PPIG: variants seen among roughly 807,000 people sequenced by gnomAD.
The protein encoded by PPIG is peptidylprolyl isomerase G.
A neutral mutation model predicts 87.9 loss-of-function variants in PPIG; 26 were observed. The ratio of observed to expected loss-of-function variants is 0.30; its 90% CI spans 0.22 to 0.41. PPIG has a LOEUF of 0.41. Ranked by LOEUF, PPIG falls within the 10% of genes least tolerant of loss-of-function variation. The pLI, the probability that PPIG is intolerant of heterozygous loss-of-function variation, is 1.00. For synonymous variants in PPIG, 308 were observed against 276.5 expected (o/e 1.11, Z -1.13); for missense variants, 722 against 879.4 (o/e 0.82, Z 2.26).
chr2:169,629,609 A>AT (rs1685983572), intron 9 of PPIG, among the ~76,000 whole-genome samples: 1 of 152,172 alleles, frequency 6.6e-6, no homozygotes, highest in Admixed American at 6.5e-5. Flanking sequence ...GATTTTACTA[A>AT]TTGAGTCCTT....
chr2:169,634,507 T>G (rs1686136342), intron 12 of PPIG, among the ~76,000 whole-genome samples: 1 of 152,144 alleles, frequency 6.6e-6, no homozygotes, highest in Non-Finnish European at 1.5e-5. Flanking sequence ...AAAGACTCAT[T>G]TGACTAATGA....
In PPIG at chr2:169,640,547, C is replaced by G. The variant is rs960987778; in HGVS notation, c.*3024C>G. On this transcript the variant is annotated 3_prime_UTR_variant, in exon 14 of 14. Transcript: ENST00000260970. ...AGAAGCTTGTTGGGTTTGCCTTCAC[C>G]AGAAGGTACTTTAAATACCTACCAT... 2 of 152,072 alleles carry G rather than the reference C, an allele frequency of 1.3e-5. No homozygotes were observed. Among genetic ancestry groups the G allele is most frequent in the African/African-American group, 4.8e-5 (2 of 41,388 alleles). The allele number at this position is 152,072 out of a possible 1,614,324, so 9.4% of individuals were successfully genotyped here. A position where few individuals can be genotyped will look rare whatever the true frequency, so the allele number is the denominator to read the frequency against.
At chr2:169,628,928 G>T (rs371462801) in intron 9 of PPIG, among the ~76,000 whole-genome samples, 2 of 111,216 alleles carry the variant, frequency 1.8e-5, no homozygotes, top group African/African-American at 3.7e-5. Context: ...AACAGAGCAA[G>T]ACCCTGTCTC....
intron 9 of PPIG, among the ~76,000 whole-genome samples, chr2:169,618,388 C>T (rs996785979): frequency 1.3e-5 from 2 of 152,066 alleles, no homozygotes; most frequent in Non-Finnish European, 2.9e-5. Flanking sequence ...AGGGAGGAGT[C>T]CCCCTTTTTC....
At chr2:169,617,639 C>T (rs191625616) in intron 9 of PPIG, among the ~76,000 whole-genome samples, 22 of 152,232 alleles carry the variant, frequency 1.4e-4, no homozygotes, top group African/African-American at 5.1e-4. Flanking sequence ...GGAGTTCACT[C>T]ATGATTTGAC....
chr2:169,586,214 T>C (rs1229618659), intron 1 of PPIG, among the ~76,000 whole-genome samples: 1 of 152,014 alleles, frequency 6.6e-6, no homozygotes. Flanking sequence ...TAGGGTCTTG[T>C]AGTAGGATTC....
At position 169,640,383 on chromosome 2, in the gene PPIG, G is replaced by A. The variant is rs959506162; in HGVS notation, c.*2860G>A. 1 of 152,174 alleles carries A rather than the reference G, an allele frequency of 6.6e-6. No individual in the cohort carries two copies. Among genetic ancestry groups the A allele is most frequent in the Non-Finnish European group, 1.5e-5 (1 of 68,014 alleles). The allele number at this position is 152,174 out of a possible 1,614,324, so 9.4% of individuals were successfully genotyped here. A position where few individuals can be genotyped will look rare whatever the true frequency, so the allele number is the denominator to read the frequency against. On this transcript the variant is annotated 3_prime_UTR_variant, in exon 14 of 14. Coordinates refer to ENST00000260970, the MANE Select transcript of PPIG (RefSeq NM_004792.3). ...TATTGGATCTCTGGTATTTTGGGTAGTGGTATTAACTTGACAATTCTAATT... is the reference window on the plus strand; with the variant it reads ...TATTGGATCTCTGGTATTTTGGGTAATGGTATTAACTTGACAATTCTAATT...
Position 169,637,539 on chromosome 2 carries a change from T to C in PPIG, c.*16T>C. On this transcript the variant is annotated 3_prime_UTR_variant, in exon 14 of 14. Transcript: ENST00000260970. ...AAGCGGATGAGTGAGTTATATAAACTTACTTCCATTCTGTTTCGGATTTTA... is the reference window on the plus strand; with the variant it reads ...AAGCGGATGAGTGAGTTATATAAACCTACTTCCATTCTGTTTCGGATTTTA... 1 of 1,528,632 alleles carries C rather than the reference T, an allele frequency of 6.5e-7. No homozygotes were observed. The highest frequency in any genetic ancestry group is 1.3e-5 in the South Asian group (1 of 74,850). The allele number at this position is 1,528,632 out of a possible 1,614,324, so 94.7% of individuals were successfully genotyped here. A position where few individuals can be genotyped will look rare whatever the true frequency, so the allele number is the denominator to read the frequency against.
chr2:169,626,954 C>G (rs1222348056), intron 9 of PPIG, among the ~76,000 whole-genome samples: 1 of 152,126 alleles, frequency 6.6e-6, no homozygotes. Context: ...AAGTGATCTG[C>G]CTGCTTTGGT....
chr2:169,597,272 G>T (rs1190609186), intron 1 of PPIG, among the ~76,000 whole-genome samples: 1 of 151,892 alleles, frequency 6.6e-6, no homozygotes, highest in Non-Finnish European at 1.5e-5. Context: ...CTCCCTAGAT[G>T]CCTTTTTGTT....
intron 6 of PPIG, 53 bp from the exon 7 acceptor site, chr2:169,608,618 A>AT: frequency 1.6e-6 from 2 of 1,223,946 alleles, no homozygotes; most frequent in Non-Finnish European, 2.4e-6. Flanking sequence ...TGAAGATGAA[A>AT]TTTTTTTGGA....
At chr2:169,603,371 T>G (rs561325276) in intron 1 of PPIG, among the ~76,000 whole-genome samples, 1 of 152,268 alleles carries the variant, frequency 6.6e-6, no homozygotes, top group African/African-American at 2.4e-5. Flanking sequence ...GAGTATCTCT[T>G]TGGTATTTTT....
At chr2:169,629,409 A>G (rs1243896206) in intron 9 of PPIG, among the ~76,000 whole-genome samples, 7 of 152,254 alleles carry the variant, frequency 4.6e-5, no homozygotes, top group African/African-American at 1.4e-4. Flanking sequence ...TAATTGTTTC[A>G]TTAATGTTAA....
intron 1 of PPIG, among the ~76,000 whole-genome samples, chr2:169,596,345 TC>T (rs1381915222): frequency 6.6e-6 from 1 of 151,900 alleles, no homozygotes; most frequent in Non-Finnish European, 1.5e-5. Flanking sequence ...CCTCAAGTGA[TC>T]CCCCTGCCTC....
intron 1 of PPIG, among the ~76,000 whole-genome samples, chr2:169,592,303 CTTTTTTTTT>C (rs777690234): frequency 3.2e-5 from 3 of 93,568 alleles, no homozygotes; most frequent in South Asian, 3.8e-4. Flanking sequence ...TGTCTTTTTT[CTTTTTTTTT>C]TTTTTTTTTT....
chr2:169,622,192 G>A (rs1414993854), intron 9 of PPIG, among the ~76,000 whole-genome samples: 1 of 151,586 alleles, frequency 6.6e-6, no homozygotes, highest in Non-Finnish European at 1.5e-5. Context: ...AGGCCGAGGT[G>A]GACGGATCAC....
At chr2:169,605,059 C>T (rs1381081130) in intron 4 of PPIG, among the ~76,000 whole-genome samples, 8 of 151,396 alleles carry the variant, frequency 5.3e-5, no homozygotes, top group African/African-American at 1.9e-4. Flanking sequence ...ATCGGCCAGG[C>T]GTGGTGGCTC....
chr2:169,594,632 T>C (rs199888385), intron 1 of PPIG, among the ~76,000 whole-genome samples: 15,731 of 144,442 alleles, frequency 0.11, 934 homozygotes, highest in South Asian at 0.25. Context: ...TTTCTTTTTT[T>C]TTTTTTTTTT....
chr2:169,633,290 G>T (rs766157851), intron 12 of PPIG, 43 bp downstream of exon 12: 2 of 1,394,064 alleles, frequency 1.4e-6, no homozygotes, highest in East Asian at 4.6e-5. Flanking sequence ...TATTGCATTT[G>T]TCTTCCTTAA....
Sources: gnomAD v4.1 joint callset for allele counts (sites outside exome capture counted in the v4.1 genomes callset) on GRCh38, gnomAD v4.1.1 for gene constraint, MANE v1.5 for transcripts, NCBI Gene and HGNC (gene_info 2026-07-23, HGNC 2026-07-21) for gene names.